Variants in CYP4F12 observed in about 807,000 individuals in gnomAD.
CYP4F12 encodes the protein cytochrome P450 family 4 subfamily F member 12, also known as cytochrome P450 4F12.
A neutral mutation model predicts 56.5 loss-of-function variants in CYP4F12; 60 were observed. The ratio of observed to expected loss-of-function variants is 1.06; its 90% confidence interval spans 0.86 to 1.32. CYP4F12 has a LOEUF of 1.32. Ranked by LOEUF, CYP4F12 falls within the 40% of genes most tolerant of loss-of-function variation. The probability of loss-of-function intolerance (pLI) is 0.00; values close to 1 mark genes in which losing one functional copy is unlikely to be tolerated. For synonymous variants in CYP4F12, 263 were observed against 264.9 expected (o/e 0.99, Z 0.07); for missense variants, 711 against 683.5 (o/e 1.04, Z -0.45).
chr19:15,684,704 A>C (rs1029463192), intron 7 of CYP4F12, 112 bp from the exon 8 acceptor site: 1 of 1,078,472 alleles, frequency 9.3e-7, no homozygotes, highest in African/African-American at 1.6e-5. Flanking sequence ...GGAAGATCAG[A>C]GCTTCAGAGA....
At chr19:15,675,515 G>A (rs1179483770) in intron 2 of CYP4F12, among the ~76,000 whole-genome samples, 1 of 152,210 alleles carries the variant, frequency 6.6e-6, no homozygotes, top group Non-Finnish European at 1.5e-5. Flanking sequence ...CTAGGGATAT[G>A]TCCTGAGGCC....
intron 9 of CYP4F12, among the ~76,000 whole-genome samples, chr19:15,687,222 A>G (rs925603033): frequency 3.3e-5 from 5 of 151,336 alleles, no homozygotes; most frequent in Admixed American, 6.6e-5. Context: ...GCTTGCAGTG[A>G]GCTGAGATGG....
chr19:15,676,500 T>C (rs112028628), intron 2 of CYP4F12, among the ~76,000 whole-genome samples: 2,680 of 10,734 alleles, frequency 0.25, 1,043 homozygotes, highest in East Asian at 0.88. Flanking sequence ...TTCTCACTCA[T>C]TCATTCCTCT....
At chr19:15,677,155 A>ATT (rs2006993761) in intron 2 of CYP4F12, among the ~76,000 whole-genome samples, 3 of 70,424 alleles carry the variant, frequency 4.3e-5, no homozygotes, top group Admixed American at 1.6e-4. Flanking sequence ...TCCTCTACCC[A>ATT]CACTCATTCC....
chr19:15,689,205 C>A (rs916800391), intron 9 of CYP4F12, among the ~76,000 whole-genome samples: 1 of 146,898 alleles, frequency 6.8e-6, no homozygotes, highest in African/African-American at 2.6e-5. Context: ...ATGCATCTGA[C>A]AAAGGGCTAG....
At position 15,696,050 on chromosome 19, in the gene CYP4F12, T is replaced by C. The variant is rs1383956301; in HGVS notation, c.1230T>C (p.Asp410=). 6.2e-7 allele frequency: 1 copy of C among 1,613,732 alleles called. No individual in the cohort carries two copies. Among genetic ancestry groups the C allele is most frequent in the Non-Finnish European group, 8.5e-7 (1 of 1,179,844 alleles). ...RCCTQDIVLP[D]GRVIPKGITC... ...GCACCCAGGACATTGTTCTCCCAGA[T>C]GGCCGAGTCATCCCCAAAGGTGCCC... Residue 410 remains aspartate, a synonymous_variant, in exon 10 of 13, where the codon GAT becomes GAC. Transcript: ENST00000550308.
intron 9 of CYP4F12, among the ~76,000 whole-genome samples, chr19:15,695,541 C>A (rs1479750337): frequency 6.7e-6 from 1 of 150,122 alleles, no homozygotes; most frequent in Non-Finnish European, 1.5e-5. Context: ...CTCCTTTTTT[C>A]CCTTGCCTAA....
In CYP4F12 at chr19:15,682,482, A is replaced by G. The variant is rs2007359775; in HGVS notation, c.619A>G (p.Ile207Val). 1 of 1,613,844 alleles carries G rather than the reference A, an allele frequency of 6.2e-7. No individual in the cohort carries two copies. The highest frequency in any genetic ancestry group is 8.5e-7 in the Non-Finnish European group (1 of 1,179,782). The part of the protein sequence containing the change: ...LMTLDSLQKC[I>V]FSFDSHCQER... ...GACCTTGGACAGTCTACAGAAATGCATCTTCAGCTTTGACAGCCATTGTCA... is the reference window on the plus strand; with the variant it reads ...GACCTTGGACAGTCTACAGAAATGCGTCTTCAGCTTTGACAGCCATTGTCA... The change falls in exon 6 of 13, where the codon ATC becomes GTC. Residue 207 changes from isoleucine to valine, a missense_variant. Ile to Val is a conservative substitution (Grantham distance 29). Transcript: ENST00000550308.
At chr19:15,691,705 C>CT (rs1321987663) in intron 9 of CYP4F12, among the ~76,000 whole-genome samples, 1 of 127,034 alleles carries the variant, frequency 7.9e-6, no homozygotes, top group Non-Finnish European at 1.6e-5. Flanking sequence ...TTTTTTTTTT[C>CT]TGTTTTTTTG....
chr19:15,694,965 C>A (rs2008050739), intron 9 of CYP4F12, among the ~76,000 whole-genome samples: 2 of 152,230 alleles, frequency 1.3e-5, no homozygotes, highest in Middle Eastern at 3.4e-3. Context: ...GGATCTAGAA[C>A]TAGAAATACC....
At chr19:15,683,258 C>T (rs903189628) in intron 6 of CYP4F12, among the ~76,000 whole-genome samples, 6 of 152,106 alleles carry the variant, frequency 3.9e-5, no homozygotes. Flanking sequence ...GGTGTCCAAG[C>T]TATACTCTAG....
intron 2 of CYP4F12, 22 bp from the exon 3 acceptor site, chr19:15,678,239 A>C: frequency 3.1e-6 from 5 of 1,614,042 alleles, no homozygotes; most frequent in Non-Finnish European, 4.2e-6. Flanking sequence ...ACAGGAAGTG[A>C]CAGCCCTTGA....
In CYP4F12 at chr19:15,694,063, C is replaced by G. The variant is rs140328988; in HGVS notation, c.1116-1873C>G. The stretch of plus-strand genomic sequence containing the variant: ...ATTGATCTAGATCTCTGTTTTGGTA[C>G]CAGTACCATGCTGTTTTGGTTACTG... On this transcript the variant is annotated intron_variant, in intron 9 of 12. Transcript: ENST00000550308. Among the ~76,000 whole-genome samples the G allele has an allele frequency of 9.0e-3, 1,360 of 151,908 alleles. 15 individuals are homozygous for G. Among genetic ancestry groups the G allele is most frequent in the African/African-American group, 0.031 (1,293 of 41,360 alleles).
At position 15,684,979 on chromosome 19, in the gene CYP4F12, C is replaced by T. The variant is rs935696177; in HGVS notation, c.986-89C>T. 12 of 1,569,028 alleles carry T rather than the reference C, an allele frequency of 7.6e-6. No individual in the cohort carries two copies. In the South Asian group the frequency reaches 9.5e-5, roughly 12 times the overall value. ...TGGATCACTCCATTCTGCCCATCTT[C>T]CCCCTCCCTCCATCCTCCTGAGGGC... is the stretch of plus-strand genomic sequence containing the variant. On this transcript the variant is annotated intron_variant, in intron 8 of 12. Coordinates refer to ENST00000550308, the MANE Select transcript of CYP4F12 (RefSeq NM_023944.4).
At chr19:15,687,026 C>T (rs560069203) in intron 9 of CYP4F12, among the ~76,000 whole-genome samples, 69 of 152,266 alleles carry the variant, frequency 4.5e-4, no homozygotes, top group African/African-American at 1.6e-3. Flanking sequence ...GCCTGTAATC[C>T]CAGCACTTTG....
At chr19:15,680,655 T>TTACAGATGA in intron 5 of CYP4F12, 136 bp downstream of exon 5, 1 of 1,158,840 alleles carries the variant, frequency 8.6e-7, no homozygotes, top group Non-Finnish European at 1.3e-6. Flanking sequence ...TTTCCTCATC[T>TTACAGATGA]GTAAAATGGG....
At chr19:15,696,274 G>A (rs754051969) in intron 11 of CYP4F12, 49 bp downstream of exon 11, 2 of 1,611,006 alleles carry the variant, frequency 1.2e-6, no homozygotes, top group Admixed American at 1.7e-5. Flanking sequence ...CTACTTTTGT[G>A]TGTGTGTGTG....
chr19:15,696,964 T>C lies in CYP4F12; in HGVS notation c.1454T>C (p.Met485Thr). The C allele has an allele frequency of 2.5e-6, 4 of 1,614,202 alleles. No individual in the cohort carries two copies. Among genetic ancestry groups the C allele is most frequent in the Non-Finnish European group, 2.5e-6 (3 of 1,180,022 alleles). The change falls in exon 13 of 13, where the codon ATG becomes ACG. Residue 485 changes from methionine (M) to threonine (T), a missense_variant. Met to Thr is a moderately conservative substitution (Grantham distance 81). Coordinates refer to ENST00000550308, the MANE Select transcript of CYP4F12 (RefSeq NM_023944.4). ...GAGATGAAAGTGGTCCTGGCGTTGATGCTGCTGCACTTCCGGTTCCTGCCA... is the reference window on the plus strand; with the variant it reads ...GAGATGAAAGTGGTCCTGGCGTTGACGCTGCTGCACTTCCGGTTCCTGCCA... ...MAEMKVVLALMLLHFRFLPDH... is the reference protein window; with the variant it reads ...MAEMKVVLALTLLHFRFLPDH...
intron 3 of CYP4F12, 49 bp from the exon 4 acceptor site, chr19:15,680,195 T>C (rs2007203737): frequency 1.3e-6 from 2 of 1,553,032 alleles, no homozygotes; most frequent in Non-Finnish European, 1.7e-6. Flanking sequence ...ATACCTGAAG[T>C]TCCTCTCTTG....
Sources: allele counts gnomAD v4.1 joint callset (sites outside exome capture counted in the v4.1 genomes callset), GRCh38; gene constraint gnomAD v4.1.1; transcripts MANE v1.5; gene names NCBI Gene and HGNC (gene_info 2026-07-23, HGNC 2026-07-21).